Variants in SEZ6L observed in about 807,000 individuals in gnomAD.
SEZ6L encodes the protein seizure related 6 homolog like.
A neutral mutation model predicts 106.2 loss-of-function variants in SEZ6L; 37 were observed. That is an observed-to-expected ratio of 0.35 (90% CI 0.27 to 0.46). The LOEUF is 0.46. SEZ6L is among the 20% of genes least tolerant of loss of function. SEZ6L has a pLI of 1.00. For synonymous variants in SEZ6L, 541 were observed against 570.4 expected (o/e 0.95, Z 0.73); for missense variants, 1,172 against 1,332.8 (o/e 0.88, Z 1.88).
chr22:26,314,095 C>CAGAGAGAGAGAGAGAGG (rs1365444001), intron 9 of SEZ6L, among the ~76,000 whole-genome samples, 193 bp downstream of exon 9: 1 of 136,224 alleles, frequency 7.3e-6, no homozygotes, highest in Non-Finnish European at 1.6e-5. Context: ...CACACACACA[C>CAGAGAGAGAGAGAGAGG]AGAGAGAGAG....
chr22:26,350,226 A>T (rs903978023), intron 11 of SEZ6L, among the ~76,000 whole-genome samples: 1 of 144,434 alleles, frequency 6.9e-6, no homozygotes, highest in Non-Finnish European at 1.5e-5. Flanking sequence ...ATATATATAT[A>T]TATTTATATG....
chr22:26,301,578 G>A (rs1215600178), intron 5 of SEZ6L, among the ~76,000 whole-genome samples: 1 of 152,198 alleles, frequency 6.6e-6, no homozygotes, highest in Non-Finnish European at 1.5e-5. Flanking sequence ...TATTGTGAGA[G>A]GCGTTGCAAT....
chr22:26,267,262 T>G (rs2080220342), intron 1 of SEZ6L, among the ~76,000 whole-genome samples: 1 of 152,222 alleles, frequency 6.6e-6, no homozygotes, highest in South Asian at 2.1e-4. Context: ...TCAGTGGCTT[T>G]ACTAATCCTG....
intron 16 of SEZ6L, 31 bp from the exon 17 acceptor site, chr22:26,380,235 T>G (rs781105251): frequency 6.2e-6 from 10 of 1,607,778 alleles, no homozygotes; most frequent in South Asian, 3.3e-5. Context: ...CACACAAGCG[T>G]TTGACAAATC....
intron 7 of SEZ6L, among the ~76,000 whole-genome samples, 184 bp downstream of exon 7, chr22:26,311,020 T>C (rs1189453780): frequency 6.6e-6 from 1 of 152,250 alleles, no homozygotes; most frequent in Non-Finnish European, 1.5e-5. Flanking sequence ...TATCATTAAC[T>C]GTGCACTTAC....
At chr22:26,245,948 C>G (rs1487987057) in intron 1 of SEZ6L, among the ~76,000 whole-genome samples, 3 of 152,208 alleles carry the variant, frequency 2.0e-5, no homozygotes, top group Non-Finnish European at 2.9e-5. Context: ...CCTGTAAATA[C>G]TCCACGTAGT....
intron 1 of SEZ6L, among the ~76,000 whole-genome samples, chr22:26,199,976 A>G (rs1393337646): frequency 6.6e-6 from 1 of 152,176 alleles, no homozygotes; most frequent in Non-Finnish European, 1.5e-5. Flanking sequence ...AAATCTCACA[A>G]CAGCCCTCCA....
chr22:26,320,589 G>A (rs966872622), intron 9 of SEZ6L, among the ~76,000 whole-genome samples: 1 of 152,222 alleles, frequency 6.6e-6, no homozygotes, highest in African/African-American at 2.4e-5. Context: ...TTGAGGCTGG[G>A]CCCTGGCAGT....
At chr22:26,329,096 T>A (rs2082404224) in intron 9 of SEZ6L, among the ~76,000 whole-genome samples, 1 of 151,440 alleles carries the variant, frequency 6.6e-6, no homozygotes, top group South Asian at 2.1e-4. Context: ...TGGACAAGCG[T>A]TTTGGTGAAT....
chr22:26,302,893 G>A (rs948441668), intron 5 of SEZ6L, among the ~76,000 whole-genome samples: 7 of 152,204 alleles, frequency 4.6e-5, no homozygotes, highest in African/African-American at 7.2e-5. Context: ...GATGGCCAGA[G>A]CCCCCCACCA....
rs137203 is a variant in SEZ6L, at chr22:26,292,865, G to T, written c.554G>T (p.Trp185Leu). 0.033 allele frequency: 53,482 copies of T among 1,614,084 alleles called. 2,500 individuals are homozygous for T. Among genetic ancestry groups the T allele is most frequent in the African/African-American group, 0.22 (16,764 of 75,008 alleles). ...GAGGAGGCATCAGAAGTGCCCCTTTGGCTGGACCGAAAGGAGAGTGCGGTC... is the reference window on the plus strand; with the variant it reads ...GAGGAGGCATCAGAAGTGCCCCTTTTGCTGGACCGAAAGGAGAGTGCGGTC... ...ASEEASEVPL[W>L]LDRKESAVPT... The change falls in exon 2 of 17, where the codon TGG becomes TTG. Residue 185 changes from tryptophan (W) to leucine (L), a missense_variant. Trp to Leu is a moderately conservative substitution (Grantham distance 61). Around this residue, in one of 4 missense-constraint regions of SEZ6L, gnomAD observed 494 missense variants for 445.8 expected, o/e 1.11. Coordinates refer to ENST00000248933, the MANE Select transcript of SEZ6L (RefSeq NM_021115.5).
chr22:26,310,871 G>A (rs755112906), intron 7 of SEZ6L, 35 bp downstream of exon 7: 1 of 1,603,488 alleles, frequency 6.2e-7, no homozygotes, highest in Non-Finnish European at 8.5e-7. Flanking sequence ...TTCTCTTGTG[G>A]GGCTGGGGGT....
chr22:26,294,280 C>T lies in SEZ6L; in HGVS notation c.836-12C>T. The T allele has an allele frequency of 6.2e-7, 1 of 1,613,542 alleles. No homozygotes were observed. The highest frequency in any genetic ancestry group is 8.5e-7 in the Non-Finnish European group (1 of 1,179,644). On this transcript the variant is annotated splice_polypyrimidine_tract_variant and intron_variant, in intron 2 of 16. Transcript: ENST00000248933. ...TTGTCTTTGGTGTCCTAATTAAAGT[C>T]CTTCCTTCCAGCTCTCTGCAGTGTG...
chr22:26,213,142 A>T (rs2078207312), intron 1 of SEZ6L, among the ~76,000 whole-genome samples: 1 of 152,152 alleles, frequency 6.6e-6, no homozygotes, highest in Non-Finnish European at 1.5e-5. Flanking sequence ...GGCTGAGGTG[A>T]GGTTTAACTT....
At chr22:26,219,899 C>T (rs747049299) in intron 1 of SEZ6L, among the ~76,000 whole-genome samples, 6 of 152,242 alleles carry the variant, frequency 3.9e-5, no homozygotes, top group African/African-American at 9.6e-5. Flanking sequence ...CCATGGGACA[C>T]GTTTACCTAT....
intron 9 of SEZ6L, among the ~76,000 whole-genome samples, chr22:26,328,523 C>T (rs943253219): frequency 1.3e-5 from 2 of 152,134 alleles, no homozygotes; most frequent in African/African-American, 4.8e-5. Context: ...TAAGGACAGC[C>T]GTCTTTGTAG....
chr22:26,289,170 G>A (rs1337622893), intron 1 of SEZ6L, among the ~76,000 whole-genome samples: 1 of 152,198 alleles, frequency 6.6e-6, no homozygotes, highest in Non-Finnish European at 1.5e-5. Flanking sequence ...ACACCACCCA[G>A]ATCCCTCAGC....
intron 10 of SEZ6L, among the ~76,000 whole-genome samples, chr22:26,342,523 A>T (rs567219530): frequency 6.4e-4 from 86 of 135,272 alleles, no homozygotes; most frequent in Non-Finnish European, 1.1e-3. Flanking sequence ...CCCCGTCTCT[A>T]CTAAAAATAC....
At chr22:26,305,844 AG>A in intron 5 of SEZ6L, 134 bp from the exon 6 acceptor site, 2 of 909,272 alleles carry the variant, frequency 2.2e-6, no homozygotes, top group Non-Finnish European at 3.2e-6. Flanking sequence ...ATCCTGGGCA[AG>A]GGGCAGGGGT....
Sources: allele counts gnomAD v4.1 joint callset (sites outside exome capture counted in the v4.1 genomes callset), GRCh38; gene constraint gnomAD v4.1.1; regional missense constraint gnomAD v4.1.1; transcripts MANE v1.5; gene names NCBI Gene and HGNC (gene_info 2026-07-23, HGNC 2026-07-21).